SDCBP: variants seen among roughly 807,000 people sequenced by gnomAD.
SDCBP encodes syntenin-1.
A neutral mutation model predicts 30.5 loss-of-function variants in SDCBP; 22 were observed. The ratio of observed to expected loss-of-function variants is 0.72; its 90% CI spans 0.52 to 1.03. The LOEUF (loss-of-function observed/expected upper bound fraction) is 1.03, where lower values mean the gene tolerates loss of function less well. SDCBP is among the 50% of genes least tolerant of loss of function. The pLI, the probability that SDCBP is intolerant of heterozygous loss-of-function variation, is 0.00. For synonymous variants in SDCBP, 103 were observed against 118.7 expected, an observed-to-expected ratio of 0.87 and a Z score of 0.86; for missense variants, 304 against 369.9, an observed-to-expected ratio of 0.82 and a Z score of 1.46.
At chr8:58,568,103 G>C (rs938883205) in intron 2 of SDCBP, among the ~76,000 whole-genome samples, 1 of 151,972 alleles carries the variant, frequency 6.6e-6, no homozygotes, top group African/African-American at 2.4e-5. Flanking sequence ...ATTAACCTTA[G>C]CTTCCTGTAA....
intron 2 of SDCBP, among the ~76,000 whole-genome samples, chr8:58,569,945 A>C (rs572773651): frequency 6.6e-6 from 1 of 152,312 alleles, no homozygotes; most frequent in African/African-American, 2.4e-5. Context: ...TATTTAAACT[A>C]AGCTTTCATA....
chr8:58,580,554 C>G lies in SDCBP; in HGVS notation c.788C>G (p.Thr263Ser), dbSNP rs1312443855. 14 of 1,595,806 alleles carry G rather than the reference C, an allele frequency of 8.8e-6. No individual in the cohort carries two copies. The highest frequency in any genetic ancestry group is 1.2e-5 in the Non-Finnish European group (14 of 1,164,010). The change falls in exon 8 of 9, where the codon ACT (threonine) becomes AGT (serine). Residue 263 changes from threonine (T) to serine (S), a missense_variant. Coordinates refer to ENST00000260130, the MANE Select transcript of SDCBP (RefSeq NM_005625.4). ...GCAGACATACTGTCAACATCTGGGA[C>G]TGTAGTTACTATTACAATCATGCCT... Reference protein sequence around the residue: ...QIADILSTSGTVVTITIMPAF... With the variant: ...QIADILSTSGSVVTITIMPAF...
intron 2 of SDCBP, among the ~76,000 whole-genome samples, chr8:58,568,935 A>C (rs1804860579): frequency 6.6e-6 from 1 of 151,582 alleles, no homozygotes; most frequent in African/African-American, 2.4e-5. Context: ...CCCAGGCTGG[A>C]GTACAGTGGC....
At chr8:58,572,613 T>G (rs1307553404) in intron 4 of SDCBP, among the ~76,000 whole-genome samples, 1 of 152,106 alleles carries the variant, frequency 6.6e-6, no homozygotes, top group Non-Finnish European at 1.5e-5. Context: ...TGTATTCATT[T>G]TATCTGTTTT....
chr8:58,581,589 G>A (rs541002368), intron 8 of SDCBP, 97 bp from the exon 9 acceptor site: 14 of 837,412 alleles, frequency 1.7e-5, no homozygotes, highest in African/African-American at 8.4e-5. Flanking sequence ...ATGCTAACAG[G>A]TGCTAAATTG....
chr8:58,569,205 G>A (rs533351108), intron 2 of SDCBP, among the ~76,000 whole-genome samples: 3 of 152,188 alleles, frequency 2.0e-5, no homozygotes, highest in Admixed American at 1.3e-4. Flanking sequence ...CACCATGCCC[G>A]GCTAATTTTT....
chr8:58,562,452 A>T (rs1041035172), intron 1 of SDCBP, among the ~76,000 whole-genome samples: 4 of 152,200 alleles, frequency 2.6e-5, no homozygotes, highest in African/African-American at 9.6e-5. Context: ...CTTAATACAA[A>T]TGTACAGTAC....
intron 2 of SDCBP, 61 bp downstream of exon 2, chr8:58,565,145 T>A: frequency 1.2e-6 from 1 of 815,396 alleles, no homozygotes; most frequent in East Asian, 2.9e-5. Flanking sequence ...TACTTATAGG[T>A]GAAATAAAGC....
chr8:58,563,028 ATGACC>A (rs1804519290), intron 1 of SDCBP, among the ~76,000 whole-genome samples: 1 of 152,206 alleles, frequency 6.6e-6, no homozygotes, highest in Admixed American at 6.5e-5. Flanking sequence ...GAGTTACCAT[ATGACC>A]CAGCAGTTGC....
In SDCBP at chr8:58,572,345, A is replaced by G. The variant is rs1805075787; in HGVS notation, c.240+31A>G. 5.9e-6 allele frequency: 8 copies of G among 1,358,254 alleles called. No homozygotes were observed. The East Asian group carries it at 1.8e-4, about 31-fold the overall frequency. 84.1% of individuals were successfully genotyped at this position (1,358,254 alleles called of 1,614,324 possible). A position where few individuals can be genotyped will look rare whatever the true frequency, so the allele number is the denominator to read the frequency against. On this transcript the variant is annotated intron_variant, in intron 4 of 8. Transcript: ENST00000260130. ...TATAGTGTAATTAATTTTGATTTAT[A>G]TAAAATCATACTTTACATGTTAGTA...
rs1323104743 is a variant in SDCBP, at chr8:58,554,212, C to CTTT, written c.-16+911_-16+912insTTT. Reference sequence around the variant, plus strand: ...GAAAGTACGCTCGGCTTACCAAACTCTTAACATCCGCTTGTTTCAAAAAGA... The same window carrying CTTT: ...GAAAGTACGCTCGGCTTACCAAACTCTTTTTAACATCCGCTTGTTTCAAAAAGA... On this transcript the variant is annotated intron_variant, in intron 1 of 8. Coordinates refer to ENST00000260130, the MANE Select transcript of SDCBP (RefSeq NM_005625.4). Among the ~76,000 whole-genome samples the CTTT allele has an allele frequency of 2.0e-5, 3 of 152,300 alleles. No homozygotes were observed. In the South Asian group the frequency reaches 6.2e-4, roughly 32 times the overall value.
At chr8:58,572,082 T>C in intron 3 of SDCBP, 123 bp from the exon 4 acceptor site, 1 of 619,344 alleles carries the variant, frequency 1.6e-6, no homozygotes, top group Non-Finnish European at 2.9e-6. Context: ...ATTGCTACTT[T>C]AAATTCATTC....
chr8:58,578,144 G>A lies in SDCBP; in HGVS notation c.514G>A (p.Asp172Asn). 1.2e-6 allele frequency: 2 copies of A among 1,611,194 alleles called. No homozygotes were observed. The highest frequency in any genetic ancestry group is 1.7e-6 in the Non-Finnish European group (2 of 1,178,986). The change falls in exon 6 of 9, where the codon GAT (aspartate) becomes AAT (asparagine). Residue 172 changes from aspartate (D) to asparagine (N), a missense_variant. By Grantham distance (23) the Asp-to-Asn change is conservative. Transcript: ENST00000260130. The stretch of plus-strand genomic sequence containing the variant: ...TGAAAACTGTGCAGGATGGAGCTCT[G>A]ATAAAGCGCACAAGGTGCTCAAACA... The part of the protein sequence containing the change: ...NGENCAGWSS[D>N]KAHKVLKQAF...
intron 1 of SDCBP, among the ~76,000 whole-genome samples, chr8:58,554,444 A>C (rs28477664): frequency 6.6e-6 from 1 of 152,182 alleles, no homozygotes; most frequent in African/African-American, 2.4e-5. Flanking sequence ...TTGTGCCTTA[A>C]ATGGTACATA....
intron 1 of SDCBP, among the ~76,000 whole-genome samples, chr8:58,555,640 G>A (rs1263156244): frequency 6.6e-6 from 1 of 152,104 alleles, no homozygotes; most frequent in African/African-American, 2.4e-5. Flanking sequence ...GAGAAACATT[G>A]CTCTGGAAGA....
chr8:58,577,631 C>T (rs1299537677), intron 5 of SDCBP, among the ~76,000 whole-genome samples: 4 of 152,164 alleles, frequency 2.6e-5, no homozygotes, highest in African/African-American at 7.2e-5. Flanking sequence ...ACATGTGACT[C>T]GCTTTTCCCC....
intron 1 of SDCBP, among the ~76,000 whole-genome samples, chr8:58,557,126 T>C (rs1434125729): frequency 8.3e-6 from 1 of 119,950 alleles, no homozygotes; most frequent in Non-Finnish European, 1.6e-5. Context: ...ATATACAATA[T>C]AGTATATATT....
At chr8:58,573,689 G>A (rs1268853838) in intron 4 of SDCBP, among the ~76,000 whole-genome samples, 1 of 152,172 alleles carries the variant, frequency 6.6e-6, no homozygotes, top group African/African-American at 2.4e-5. Flanking sequence ...GACAGGAGCA[G>A]GAGGCACACA....
chr8:58,559,722 C>T lies in SDCBP; in HGVS notation c.-15-5297C>T, dbSNP rs148459214. Among the ~76,000 whole-genome samples, 27 of 152,304 alleles carry T rather than the reference C, an allele frequency of 1.8e-4. No homozygotes were observed. In the East Asian group the frequency reaches 3.3e-3, roughly 18 times the overall value. ...AATAGAAAGCTCATATGCTTCTTCT[C>T]CCCACAGAAATACTGATTCAATAAC... On this transcript the variant is annotated intron_variant, in intron 1 of 8. Transcript: ENST00000260130.
Sources: gnomAD v4.1 joint callset for allele counts (sites outside exome capture counted in the v4.1 genomes callset) on GRCh38, gnomAD v4.1.1 for gene constraint, MANE v1.5 for transcripts, NCBI Gene and HGNC (gene_info 2026-07-23, HGNC 2026-07-21) for gene names.